The following NRL variants were observed in gnomAD, a reference collection of about 807,000 sequenced individuals.
The protein encoded by NRL is neural retina leucine zipper, also known as neural retina-specific leucine zipper protein.
In NRL, 16 loss-of-function variants were observed where a neutral mutation model predicts 12.5. The observed-to-expected ratio is 1.28, with a 90% confidence interval of 0.87 to 1.95. The LOEUF (loss-of-function observed/expected upper bound fraction) is 1.95. NRL is among the 30% of genes most tolerant of loss of function. The probability of loss-of-function intolerance (pLI) is 0.00; values close to 1 mark genes in which losing one functional copy is unlikely to be tolerated. For synonymous variants in NRL, 142 were observed against 150.9 expected, an observed-to-expected ratio of 0.94 and a Z score of 0.43; for missense variants, 314 against 325.8, an observed-to-expected ratio of 0.96 and a Z score of 0.28.
intron 1 of NRL, among the ~76,000 whole-genome samples, chr14:24,083,290 G>A (rs1044863070): frequency 2.0e-5 from 3 of 152,164 alleles, no homozygotes; most frequent in African/African-American, 7.2e-5. Flanking sequence ...GTATATTTTA[G>A]GACAGTGGGA....
rs996297728 is a variant in NRL at position 24,081,149 on chromosome 14, G to T, written c.*87C>A. On this transcript the variant is annotated 3_prime_UTR_variant, in exon 3 of 3. Coordinates refer to ENST00000561028, the MANE Select transcript of NRL (RefSeq NM_001354768.3). This position sits in a 1 kb window ranked among gnomAD's most constrained non-coding sequence, Gnocchi z 4.4. ...CGTGGCTAGGACCAGAAGGCGCTCT[G>T]GTAACGATGCAGAGAACCGTGCAGC... 2.1e-6 allele frequency: 2 copies of T among 975,200 alleles called. No homozygotes were observed. Among genetic ancestry groups the T allele is most frequent in the Non-Finnish European group, 2.7e-6 (2 of 735,834 alleles). The allele number at this position is 975,200 out of a possible 1,614,324, so 60.4% of individuals were successfully genotyped here.
chr14:24,109,870 A>G lies in NRL; in HGVS notation c.-28+4852T>C, dbSNP rs534511580. On this transcript the variant is annotated intron_variant, in intron 1 of 2. Coordinates refer to ENST00000561028, the MANE Select transcript of NRL (RefSeq NM_001354768.3). ...TTTTACTCAATAATGTACAAGTTCC[A>G]TATTACAAAAGCTTGAATTAAAAGA... Among the ~76,000 whole-genome samples the G allele has an allele frequency of 3.6e-4, 55 of 152,328 alleles. 1 individual carries two copies. The South Asian group carries it at 0.011, about 31-fold the overall frequency.
intron 1 of NRL, chr14:24,098,756 C>G (rs1335073327): frequency 8.0e-7 from 1 of 1,256,716 alleles, no homozygotes; most frequent in Non-Finnish European, 1.1e-6. Flanking sequence ...TACCTCTCCA[C>G]AGACCCTAAG....
In NRL at chr14:24,079,531, TGGA is replaced by T. The variant is rs2036215239; in HGVS notation, c.*1702_*1704del. Among the ~76,000 whole-genome samples the T allele has an allele frequency of 6.6e-6, 1 of 151,380 alleles. No individual in the cohort carries two copies. Among genetic ancestry groups the T allele is most frequent in the Non-Finnish European group, 1.5e-5 (1 of 67,982 alleles). The stretch of plus-strand genomic sequence containing the variant: ...GAGACGAGAGAAATTCTGAGAGCGA[TGGA>T]GGAGAGGACTCCCATTGCAGGCTCC... On this transcript the variant is annotated 3_prime_UTR_variant, in exon 3 of 3. Coordinates refer to ENST00000561028, the MANE Select transcript of NRL (RefSeq NM_001354768.3).
intron 1 of NRL, among the ~76,000 whole-genome samples, chr14:24,113,833 C>T (rs2037468950): frequency 6.6e-6 from 1 of 152,212 alleles, no homozygotes; most frequent in Admixed American, 6.5e-5. Context: ...CCCATCCCTG[C>T]CCTCAGGAGC....
At chr14:24,096,524 C>T (rs1440418391) in intron 1 of NRL, among the ~76,000 whole-genome samples, 7 of 152,094 alleles carry the variant, frequency 4.6e-5, no homozygotes, top group East Asian at 3.9e-4. Context: ...CATGAGCCAC[C>T]GTGCCCAGCC....
chr14:24,103,333 CT>C (rs1226399250), intron 1 of NRL: 58 of 1,270,720 alleles, frequency 4.6e-5, no homozygotes, highest in Non-Finnish European at 6.5e-5. Context: ...CCAGACCTTC[CT>C]TTTGTCCACC....
At chr14:24,099,034 C>A in intron 1 of NRL, 2 of 1,588,340 alleles carry the variant, frequency 1.3e-6, no homozygotes, top group African/African-American at 1.3e-5. Context: ...AGCCCCATGA[C>A]CCCATTGTCC....
rs1369414793 is a variant in NRL, at chr14:24,094,720, CCT to C, written c.-27-11847_-27-11846del. 1 of 1,501,232 alleles carries C rather than the reference CCT, an allele frequency of 6.7e-7. No homozygotes were observed. The highest frequency in any genetic ancestry group is 2.0e-5 in the Admixed American group (1 of 49,672). The allele number at this position is 1,501,232 out of a possible 1,614,324, so 93.0% of individuals were successfully genotyped here. A position where few individuals can be genotyped will look rare whatever the true frequency, so the allele number is the denominator to read the frequency against. ...TCAGAACTTCCTCTCTCTCCTCGCT[CCT>C]CTCTGCTGAGCCAGGTCTCCGCATA... On this transcript the variant is annotated intron_variant, in intron 1 of 2. Transcript: ENST00000561028. This position sits in a 1 kb window ranked among gnomAD's most constrained non-coding sequence, Gnocchi z 4.1.
intron 1 of NRL, among the ~76,000 whole-genome samples, chr14:24,111,455 C>A (rs1455842327): frequency 6.6e-6 from 1 of 152,072 alleles, no homozygotes; most frequent in Admixed American, 6.5e-5. Context: ...CTCAATGCAA[C>A]CTCCACCTCC....
intron 1 of NRL, chr14:24,084,740 A>C: frequency 1.0e-6 from 1 of 984,196 alleles, no homozygotes; most frequent in Non-Finnish European, 1.2e-6. Context: ...TGCATATCTT[A>C]TTGGCCTGGG....
chr14:24,103,788 G>C, intron 1 of NRL: 29 of 1,614,142 alleles, frequency 1.8e-5, no homozygotes, highest in Non-Finnish European at 2.5e-5. Flanking sequence ...AGGAGCCTTG[G>C]ATCTCAGCGG....
intron 1 of NRL, among the ~76,000 whole-genome samples, chr14:24,106,461 C>T (rs762154215): frequency 2.6e-5 from 4 of 152,142 alleles, no homozygotes; most frequent in African/African-American, 9.7e-5. Context: ...GCCAGCCAGG[C>T]GCGGTGGCTC....
chr14:24,096,548 T>C (rs2036894003), intron 1 of NRL, among the ~76,000 whole-genome samples: 1 of 152,158 alleles, frequency 6.6e-6, no homozygotes, highest in Admixed American at 6.5e-5. Context: ...TCCCTACTTA[T>C]TTCTAAACGT....
chr14:24,092,143 T>C (rs1490753828), intron 1 of NRL, among the ~76,000 whole-genome samples: 1 of 152,198 alleles, frequency 6.6e-6, no homozygotes, highest in African/African-American at 2.4e-5. Flanking sequence ...AACATTATTC[T>C]TCTCTCTTAA....
rs148872808 is a variant in NRL at position 24,085,171 on chromosome 14, A to G, written c.-27-2296T>C. ...AGCCGTCGCATCAGAAAGGAAAGCAACTTTTCCCACAGGGGATCTCCAGGA... is the reference window on the plus strand; with the variant it reads ...AGCCGTCGCATCAGAAAGGAAAGCAGCTTTTCCCACAGGGGATCTCCAGGA... On this transcript the variant is annotated intron_variant, in intron 1 of 2. Transcript: ENST00000561028. This position sits in a 1 kb window ranked among gnomAD's most constrained non-coding sequence, Gnocchi z 4.1. Among the ~76,000 whole-genome samples, 361 of 152,280 alleles carry G rather than the reference A, an allele frequency of 2.4e-3. 3 individuals are homozygous for G. The highest frequency in any genetic ancestry group is 8.4e-3 in the African/African-American group (350 of 41,542).
intron 1 of NRL, among the ~76,000 whole-genome samples, chr14:24,109,975 CA>C (rs969542344): frequency 5.9e-5 from 9 of 152,090 alleles, no homozygotes; most frequent in African/African-American, 1.9e-4. Flanking sequence ...ATAAGTTTAA[CA>C]GAAGTTTTTT....
intron 1 of NRL, chr14:24,103,101 G>A (rs1409481423): frequency 1.4e-5 from 19 of 1,380,982 alleles, no homozygotes; most frequent in Non-Finnish European, 5.2e-6. Context: ...TCACCAGAAG[G>A]GCTGGAGTTA....
rs1429749107 is a variant in NRL at position 24,094,008 on chromosome 14, T to C, written c.-27-11133A>G. On this transcript the variant is annotated intron_variant, in intron 1 of 2. Coordinates refer to ENST00000561028, the MANE Select transcript of NRL (RefSeq NM_001354768.3). The surrounding 1 kb of genome is among the most constrained non-coding windows in gnomAD (Gnocchi z 4.1). ...TTCCTAGCTTGTTTGCCACCTAGTG[T>C]CTCTCCCGGGAGCAAGAGTCCTCAA... 2 of 515,988 alleles carry C rather than the reference T, an allele frequency of 3.9e-6. No individual in the cohort carries two copies. The highest frequency in any genetic ancestry group is 6.8e-6 in the Non-Finnish European group (2 of 295,122). 32.0% of individuals were successfully genotyped at this position (515,988 alleles called of 1,614,324 possible). A position where few individuals can be genotyped will look rare whatever the true frequency, so the allele number is the denominator to read the frequency against.
Sources: allele counts gnomAD v4.1 joint callset (sites outside exome capture counted in the v4.1 genomes callset), GRCh38; gene constraint gnomAD v4.1.1; non-coding constraint Gnocchi (gnomAD v3.1); transcripts MANE v1.5; gene names NCBI Gene and HGNC (gene_info 2026-07-23, HGNC 2026-07-21).